The following KCNAB1 variants were observed in gnomAD, a reference collection of about 807,000 sequenced individuals.
KCNAB1 encodes voltage-gated potassium channel subunit beta-1.
A neutral mutation model predicts 64.6 loss-of-function variants in KCNAB1; 35 were observed. The observed-to-expected ratio is 0.54, with a 90% CI of 0.41 to 0.72. The LOEUF (loss-of-function observed/expected upper bound fraction) is 0.72, where lower values mean the gene tolerates loss of function less well. Ranked by LOEUF, KCNAB1 falls within the 30% of genes least tolerant of loss-of-function variation. The probability of loss-of-function intolerance (pLI) is 0.00; values close to 1 mark genes in which losing one functional copy is unlikely to be tolerated. For missense variants in KCNAB1, 401 were observed against 512.9 expected, an observed-to-expected ratio of 0.78 and a Z score of 2.11; for synonymous variants, 177 against 183.8, an observed-to-expected ratio of 0.96 and a Z score of 0.30.
chr3:156,300,050 C>T (rs927548932), intron 1 of KCNAB1, among the ~76,000 whole-genome samples: 1 of 151,996 alleles, frequency 6.6e-6, no homozygotes, highest in Admixed American at 6.6e-5. Context: ...AACAAGAAAC[C>T]AAGGGCACAG....
intron 1 of KCNAB1, among the ~76,000 whole-genome samples, chr3:156,216,059 G>A (rs1320713886): frequency 6.6e-6 from 1 of 152,186 alleles, no homozygotes; most frequent in Non-Finnish European, 1.5e-5. Flanking sequence ...GATATAGTGG[G>A]TAGCTACAAA....
chr3:156,518,658 C>A (rs1311026603), intron 11 of KCNAB1, among the ~76,000 whole-genome samples: 1 of 152,164 alleles, frequency 6.6e-6, no homozygotes, highest in Non-Finnish European at 1.5e-5. Flanking sequence ...TGTTGTAGTA[C>A]TGAACTGCAA....
At chr3:156,227,192 A>G (rs745795500) in intron 1 of KCNAB1, among the ~76,000 whole-genome samples, 3 of 152,236 alleles carry the variant, frequency 2.0e-5, no homozygotes, top group Admixed American at 1.3e-4. Context: ...AATGTAGGCC[A>G]TTACTCCACT....
chr3:156,465,256 GT>G (rs1438873139), intron 6 of KCNAB1, among the ~76,000 whole-genome samples: 2 of 152,162 alleles, frequency 1.3e-5, no homozygotes, highest in Non-Finnish European at 1.5e-5. Context: ...TAACAAAAAA[GT>G]TCAGCAGCCT....
intron 2 of KCNAB1, among the ~76,000 whole-genome samples, chr3:156,434,589 AG>A (rs1716458857): frequency 6.6e-6 from 1 of 152,194 alleles, no homozygotes; most frequent in African/African-American, 2.4e-5. Flanking sequence ...AGATTGGGTG[AG>A]GAAAAAAAAA....
At chr3:156,141,393 G>A (rs1714699064) in intron 1 of KCNAB1, among the ~76,000 whole-genome samples, 1 of 152,094 alleles carries the variant, frequency 6.6e-6, no homozygotes, top group Non-Finnish European at 1.5e-5. Context: ...TATAGCCATA[G>A]CCATCTTCTT....
intron 11 of KCNAB1, among the ~76,000 whole-genome samples, chr3:156,518,616 C>T (rs895898759): frequency 2.0e-5 from 3 of 152,160 alleles, no homozygotes; most frequent in African/African-American, 7.2e-5. Context: ...TATTGTTATA[C>T]TGATAAGATT....
chr3:156,300,445 A>G (rs1166103514), intron 1 of KCNAB1, among the ~76,000 whole-genome samples: 1 of 151,988 alleles, frequency 6.6e-6, no homozygotes, highest in Non-Finnish European at 1.5e-5. Flanking sequence ...TGTAACTATA[A>G]CTCTCATTCA....
rs1721170253 is a variant in KCNAB1 at position 156,301,770 on chromosome 3, C to T, written c.276-119846C>T. 2.0e-5 allele frequency among the ~76,000 whole-genome samples: 3 copies of T among 152,196 alleles called. No individual in the cohort carries two copies. In the South Asian group the frequency reaches 6.2e-4, roughly 31 times the overall value. On this transcript the variant is annotated intron_variant, in intron 1 of 13. Coordinates refer to ENST00000490337, the MANE Select transcript of KCNAB1 (RefSeq NM_172160.3). The stretch of plus-strand genomic sequence containing the variant: ...TTCCTTAATGAGAAAAACAAGTGGA[C>T]ATTTGCCAGAGAACTCCAAATTTCA...
At position 156,396,168 on chromosome 3, in the gene KCNAB1, G is replaced by A. The variant is rs6768428; in HGVS notation, c.276-25448G>A. Among the ~76,000 whole-genome samples the A allele has an allele frequency of 7.1e-3, 1,075 of 152,210 alleles. 9 individuals carry two copies. Among genetic ancestry groups the A allele is most frequent in the African/African-American group, 0.025 (1,027 of 41,524 alleles). Reference sequence around the variant, plus strand: ...CAGGACTTATTTGTTTTTCTTCTCTGAGGTCACCTTTGATCATCCTAATGG... The same window carrying A: ...CAGGACTTATTTGTTTTTCTTCTCTAAGGTCACCTTTGATCATCCTAATGG... On this transcript the variant is annotated intron_variant, in intron 1 of 13. Transcript: ENST00000490337.
intron 1 of KCNAB1, among the ~76,000 whole-genome samples, chr3:156,362,365 T>A (rs1383605169): frequency 6.6e-6 from 1 of 152,246 alleles, no homozygotes; most frequent in Non-Finnish European, 1.5e-5. Context: ...TATACTGTGC[T>A]CATGTGAACT....
chr3:156,273,415 C>T, intron 1 of KCNAB1: 1 of 325,940 alleles, frequency 3.1e-6, no homozygotes, highest in Middle Eastern at 4.4e-4. Flanking sequence ...GGTAATTCCC[C>T]TCTGGCTAGG....
intron 1 of KCNAB1, among the ~76,000 whole-genome samples, chr3:156,190,284 C>A (rs1248144190): frequency 1.3e-5 from 2 of 152,174 alleles, no homozygotes; most frequent in Non-Finnish European, 2.9e-5. Context: ...GTTTTCCTTA[C>A]CGCTAGGACC....
At chr3:156,418,035 G>C (rs961558973) in intron 1 of KCNAB1, among the ~76,000 whole-genome samples, 3 of 152,234 alleles carry the variant, frequency 2.0e-5, no homozygotes, top group Admixed American at 2.0e-4. Flanking sequence ...ACCTGAGAAA[G>C]AGGAGCTTTT....
intron 1 of KCNAB1, among the ~76,000 whole-genome samples, chr3:156,319,145 A>T (rs1722488735): frequency 6.6e-6 from 1 of 152,216 alleles, no homozygotes. Context: ...ACTTAGAAAG[A>T]TACAGGAGGA....
intron 2 of KCNAB1, among the ~76,000 whole-genome samples, chr3:156,426,675 CT>C (rs1163422594): frequency 6.6e-6 from 1 of 152,192 alleles, no homozygotes; most frequent in Non-Finnish European, 1.5e-5. Context: ...TGTCTTTTTA[CT>C]GTCTGCATAG....
At chr3:156,462,413 G>T (rs966576538) in intron 5 of KCNAB1, among the ~76,000 whole-genome samples, 6 of 152,146 alleles carry the variant, frequency 3.9e-5, no homozygotes, top group Non-Finnish European at 2.9e-5. Context: ...AAAGGAGACC[G>T]GGCTCCCCTG....
At chr3:156,170,069 C>G (rs968999529) in intron 1 of KCNAB1, among the ~76,000 whole-genome samples, 2 of 152,166 alleles carry the variant, frequency 1.3e-5, no homozygotes, top group Non-Finnish European at 2.9e-5. Flanking sequence ...TCCCAGCTTC[C>G]TGTTTCTCTT....
chr3:156,316,987 A>G (rs547526590), intron 1 of KCNAB1, among the ~76,000 whole-genome samples: 45 of 152,302 alleles, frequency 3.0e-4, no homozygotes, highest in African/African-American at 9.6e-4. Context: ...ATGAGATAAG[A>G]TGAGAGAAAT....
Sources: gnomAD v4.1 joint callset for allele counts (sites outside exome capture counted in the v4.1 genomes callset) on GRCh38, gnomAD v4.1.1 for gene constraint, MANE v1.5 for transcripts, NCBI Gene and HGNC (gene_info 2026-07-23, HGNC 2026-07-21) for gene names.